The following ESRRG variants were observed in gnomAD, a reference collection of about 807,000 sequenced individuals.
ESRRG encodes the protein estrogen-related receptor gamma.
Under a neutral mutation model 44.0 loss-of-function variants are expected in ESRRG, and 13 were observed. The ratio of observed to expected loss-of-function variants is 0.30; its 90% CI spans 0.19 to 0.47. The LOEUF is 0.47. Ranked by LOEUF, ESRRG falls within the 20% of genes least tolerant of loss-of-function variation. ESRRG has a pLI of 1.00. For missense variants in ESRRG, 395 were observed against 580.6 expected, an observed-to-expected ratio of 0.68 and a Z score of 3.29; for synonymous variants, 215 against 214.6, an observed-to-expected ratio of 1.00 and a Z score of -0.02.
At chr1:216,560,366 A>C (rs947979861) in intron 5 of ESRRG, among the ~76,000 whole-genome samples, 2 of 152,216 alleles carry the variant, frequency 1.3e-5, no homozygotes, top group Non-Finnish European at 2.9e-5. Flanking sequence ...AAGATTTGCC[A>C]TATTAATAAA....
At chr1:217,081,533 A>G (rs995506364) in intron 1 of ESRRG, among the ~76,000 whole-genome samples, 14 of 152,274 alleles carry the variant, frequency 9.2e-5, no homozygotes, top group Admixed American at 9.2e-4. Context: ...GGCCAAAAAT[A>G]TTCCTAAAAG....
intron 2 of ESRRG, among the ~76,000 whole-genome samples, chr1:216,899,597 A>C (rs2058829129): frequency 6.6e-6 from 1 of 152,184 alleles, no homozygotes; most frequent in African/African-American, 2.4e-5. Flanking sequence ...ACATGTGAAC[A>C]CTTAAAGGTA....
chr1:216,807,415 T>C (rs946080133), intron 2 of ESRRG, among the ~76,000 whole-genome samples: 2 of 152,204 alleles, frequency 1.3e-5, no homozygotes, highest in Non-Finnish European at 2.9e-5. Context: ...TATTTTTGGA[T>C]CAGTTTAATT....
intron 2 of ESRRG, among the ~76,000 whole-genome samples, chr1:216,671,387 C>G (rs760502936): frequency 3.9e-5 from 6 of 152,140 alleles, no homozygotes; most frequent in Non-Finnish European, 5.9e-5. Context: ...ACGATCATAG[C>G]TAAAGGGTGG....
chr1:216,865,186 GCAAAAAA>G (rs1273373057), intron 2 of ESRRG: 3 of 20,026 alleles, frequency 1.5e-4, no homozygotes, highest in African/African-American at 1.1e-3. Context: ...AAGCTGTGCA[GCAAAAAA>G]AAAAAAAAAA....
chr1:216,609,355 C>A (rs1197184038), intron 3 of ESRRG, among the ~76,000 whole-genome samples: 1 of 152,172 alleles, frequency 6.6e-6, no homozygotes, highest in Non-Finnish European at 1.5e-5. Context: ...AGAACACAGA[C>A]CATCCCTCAA....
At chr1:216,645,324 T>C (rs748622075) in intron 3 of ESRRG, among the ~76,000 whole-genome samples, 6 of 152,112 alleles carry the variant, frequency 3.9e-5, no homozygotes, top group Non-Finnish European at 8.8e-5. Context: ...TCCAGCTTCA[T>C]TGATATAGTC....
intron 2 of ESRRG, among the ~76,000 whole-genome samples, chr1:216,767,155 C>G (rs956914042): frequency 3.9e-5 from 6 of 152,036 alleles, no homozygotes; most frequent in Non-Finnish European, 7.4e-5. Flanking sequence ...TTATTTGTCT[C>G]ATCATGCTGA....
At chr1:216,743,415 C>G (rs550952118) in intron 2 of ESRRG, among the ~76,000 whole-genome samples, 19 of 152,220 alleles carry the variant, frequency 1.2e-4, no homozygotes, top group African/African-American at 4.6e-4. Flanking sequence ...ATTGTTCTGT[C>G]TATGGCATAG....
chr1:216,527,175 C>T (rs949712776), intron 5 of ESRRG, among the ~76,000 whole-genome samples: 7 of 152,114 alleles, frequency 4.6e-5, no homozygotes, highest in Non-Finnish European at 1.0e-4. Context: ...GATCCAAGTA[C>T]ATGTCTATGC....
At position 216,569,111 on chromosome 1, in the gene ESRRG, A is replaced by AGGAAGGAAGGAAGAAGGAAG. The variant is rs1553355981; in HGVS notation, c.590-1014_590-1013insCTTCCTTCTTCCTTCCTTCC. 2.8e-3 allele frequency among the ~76,000 whole-genome samples: 296 copies of AGGAAGGAAGGAAGAAGGAAG among 104,462 alleles called. 10 individuals are homozygous for AGGAAGGAAGGAAGAAGGAAG. Among genetic ancestry groups the AGGAAGGAAGGAAGAAGGAAG allele is most frequent in the African/African-American group, 8.9e-3 (252 of 28,356 alleles). The allele number at this position is 104,462 out of a possible 152,430, so 68.5% of individuals were successfully genotyped here. A position where few individuals can be genotyped will look rare whatever the true frequency, so the allele number is the denominator to read the frequency against. ...AAGGAAGGAAGGAAGGAAGGAAGGA[A>AGGAAGGAAGGAAGAAGGAAG]GAAGGAAGGAAGGAAGGAAGGAAAG... is the stretch of plus-strand genomic sequence containing the variant. On this transcript the variant is annotated intron_variant, in intron 3 of 6. Transcript: ENST00000408911.
chr1:216,837,613 A>G (rs1465396847), intron 2 of ESRRG, among the ~76,000 whole-genome samples: 10 of 152,056 alleles, frequency 6.6e-5, no homozygotes, highest in Non-Finnish European at 1.5e-4. Flanking sequence ...CTGGTCATCA[A>G]GAGAATCTGA....
At chr1:216,575,803 T>C (rs1015194622) in intron 3 of ESRRG, among the ~76,000 whole-genome samples, 3 of 152,032 alleles carry the variant, frequency 2.0e-5, no homozygotes, top group African/African-American at 7.2e-5. Flanking sequence ...AAACCAATTA[T>C]GGAGGTAAAC....
Position 216,974,760 on chromosome 1 carries a change from C to G in ESRRG, c.-105-35087G>C, listed in dbSNP as rs2072497833. Among the ~76,000 whole-genome samples the G allele has an allele frequency of 2.0e-5, 3 of 152,014 alleles. No individual in the cohort carries two copies. In the South Asian group the frequency reaches 6.2e-4, roughly 32 times the overall value. ...GAGAATTAGCATTTTCAATTACTTTCCCTGGATGAAGTATATGGGTCTCTT... is the reference window on the plus strand; with the variant it reads ...GAGAATTAGCATTTTCAATTACTTTGCCTGGATGAAGTATATGGGTCTCTT... On this transcript the variant is annotated intron_variant, in intron 1 of 7. Coordinates refer to the ESRRG transcript ENST00000359162.
chr1:216,859,875 C>G (rs866456107), intron 2 of ESRRG, among the ~76,000 whole-genome samples: 1 of 152,152 alleles, frequency 6.6e-6, no homozygotes, highest in Middle Eastern at 3.4e-3. Flanking sequence ...CAAAAGTTAC[C>G]AGTCACTCAA....
At position 216,677,356 on chromosome 1, in the gene ESRRG, G is replaced by A. The variant is rs891849608; in HGVS notation, c.192C>T (p.Ala64=). The change falls in exon 2 of 7, where the codon GCC becomes GCT. Residue 64 remains alanine, a synonymous_variant. Transcript: ENST00000408911. ...TCATGGTTGAACTGTAGCTCCCACT[G>A]GCGTCTGAAGAGCCACCAGGGCTGT... ...NHHSPGGSSD[A]SGSYSSTMNG... 1 of 1,614,174 alleles carries A rather than the reference G, an allele frequency of 6.2e-7. No individual in the cohort carries two copies. The highest frequency in any genetic ancestry group is 8.5e-7 in the Non-Finnish European group (1 of 1,180,030).
chr1:216,793,613 A>G (rs894018513), intron 2 of ESRRG, among the ~76,000 whole-genome samples: 6 of 152,160 alleles, frequency 3.9e-5, no homozygotes, highest in African/African-American at 1.4e-4. Context: ...AGACCTTGAG[A>G]CAGAACCACC....
At chr1:216,524,967 T>G (rs1399795317) in intron 5 of ESRRG, among the ~76,000 whole-genome samples, 1 of 152,204 alleles carries the variant, frequency 6.6e-6, no homozygotes, top group Non-Finnish European at 1.5e-5. Flanking sequence ...GACCACTGAC[T>G]ACTCATGCTG....
Position 216,605,272 on chromosome 1 carries a change from G to A in ESRRG, c.590-37174C>T, listed in dbSNP as rs563192399. Among the ~76,000 whole-genome samples, 375 of 152,046 alleles carry A rather than the reference G, an allele frequency of 2.5e-3. 3 individuals carry two copies. The highest frequency in any genetic ancestry group is 8.5e-3 in the African/African-American group (352 of 41,470). On this transcript the variant is annotated intron_variant, in intron 3 of 6. Transcript: ENST00000408911. ...AGTAAAACATCTGTTTGGGAAAGAG[G>A]AAATATAAACTCATAAAATCAAATG...
Sources: gnomAD v4.1 joint callset for allele counts (sites outside exome capture counted in the v4.1 genomes callset) on GRCh38, gnomAD v4.1.1 for gene constraint, MANE v1.5 for transcripts, NCBI Gene and HGNC (gene_info 2026-07-23, HGNC 2026-07-21) for gene names.